Variants in DTX1 observed in about 807,000 individuals in gnomAD.
DTX1 encodes the protein deltex E3 ubiquitin ligase 1, also known as E3 ubiquitin-protein ligase DTX1.
Under a neutral mutation model 57.8 loss-of-function variants are expected in DTX1, and 26 were observed. The observed-to-expected ratio is 0.45, with a 90% CI of 0.33 to 0.62. The LOEUF (loss-of-function observed/expected upper bound fraction) is 0.62. DTX1 is among the 20% of genes least tolerant of loss of function. The pLI is 0.02. For missense variants in DTX1, 704 were observed against 895.3 expected, an observed-to-expected ratio of 0.79 and a Z score of 2.73; for synonymous variants, 398 against 394.1, an observed-to-expected ratio of 1.01 and a Z score of -0.12.
At chr12:113,063,364 G>A (rs1219128578) in intron 2 of DTX1, among the ~76,000 whole-genome samples, 3 of 152,226 alleles carry the variant, frequency 2.0e-5, no homozygotes, top group African/African-American at 4.8e-5. Flanking sequence ...AGCCGCCTCC[G>A]AGGGCCTCAC....
intron 2 of DTX1, among the ~76,000 whole-genome samples, chr12:113,072,696 CTTTTTTT>C (rs60642403): frequency 7.9e-4 from 56 of 71,112 alleles, no homozygotes; most frequent in African/African-American, 1.7e-3. Context: ...GAGAGATTTT[CTTTTTTT>C]TTTTTTTTTT....
In DTX1 at chr12:113,097,306, A is replaced by C; in HGVS notation, c.*367A>C. Reference sequence around the variant, plus strand: ...GACAGAAAGACCCCATGACCCCCCCATGTGGATCCCCATCTGTGTCTCAGT... The same window carrying C: ...GACAGAAAGACCCCATGACCCCCCCCTGTGGATCCCCATCTGTGTCTCAGT... On this transcript the variant is annotated 3_prime_UTR_variant, in exon 10 of 10. Coordinates refer to ENST00000548759, the MANE Select transcript of DTX1 (RefSeq NM_004416.3). The C allele has an allele frequency of 9.1e-5, 20 of 219,544 alleles. No individual in the cohort carries two copies. The highest frequency in any genetic ancestry group is 1.6e-3 in the Middle Eastern group (1 of 628). The allele number at this position is 219,544 out of a possible 1,614,324, so 13.6% of individuals were successfully genotyped here.
chr12:113,078,152 A>G, intron 3 of DTX1, 47 bp downstream of exon 3: 1 of 1,295,402 alleles, frequency 7.7e-7, no homozygotes, highest in South Asian at 1.8e-5. Flanking sequence ...GTCCGCAGGC[A>G]AGGACGAAGC....
rs780013460 is a variant in DTX1, at chr12:113,058,371, T to A, written c.179T>A (p.Val60Glu). 6.2e-7 allele frequency: 1 copy of A among 1,611,488 alleles called. No homozygotes were observed. Among genetic ancestry groups the A allele is most frequent in the Non-Finnish European group, 8.5e-7 (1 of 1,180,010 alleles). ...NVLKEDARGS[V>E]VLGQVDAQLV... ...CTGAAGGAGGACGCTCGCGGTTCCG[T>A]GGTCCTGGGGCAGGTGGACGCCCAG... The change falls in exon 2 of 10, where the codon GTG becomes GAG. Residue 60 changes from valine (V) to glutamate (E), a missense_variant. Val to Glu is a moderately radical substitution (Grantham distance 121). Transcript: ENST00000548759.
chr12:113,079,694 CTGTGTGTGTGTGTGTGTGTG>C (rs71086139), intron 3 of DTX1, among the ~76,000 whole-genome samples: 5 of 132,434 alleles, frequency 3.8e-5, no homozygotes, highest in African/African-American at 5.9e-5. Context: ...TTCCCGGCTA[CTGTGTGTGTGTGTGTGTGTG>C]TGTGTGTGTG....
chr12:113,092,881 C>A (rs1232284917), intron 3 of DTX1, among the ~76,000 whole-genome samples: 1 of 152,234 alleles, frequency 6.6e-6, no homozygotes, highest in Non-Finnish European at 1.5e-5. Context: ...AGAGCCAAAG[C>A]GCCCTCTCGA....
At chr12:113,089,170 G>A (rs915091599) in intron 3 of DTX1, among the ~76,000 whole-genome samples, 6 of 152,154 alleles carry the variant, frequency 3.9e-5, no homozygotes, top group Non-Finnish European at 8.8e-5. Flanking sequence ...GGGTGGGAGT[G>A]TGCCTGGCAT....
chr12:113,093,425 C>A lies in DTX1; in HGVS notation c.1004-114C>A, dbSNP rs2136067148. The A allele has an allele frequency of 7.3e-7, 1 of 1,365,744 alleles. No homozygotes were observed. The highest frequency in any genetic ancestry group is 9.7e-7 in the Non-Finnish European group (1 of 1,030,280). The allele number at this position is 1,365,744 out of a possible 1,614,324, so 84.6% of individuals were successfully genotyped here. A position where few individuals can be genotyped will look rare whatever the true frequency, so the allele number is the denominator to read the frequency against. ...CCTTCAAGGGGCTGAGTGGGTGGGG[C>A]CCAAGAGCGCAACCCTCCCACCCAC... On this transcript the variant is annotated intron_variant, in intron 4 of 9. Coordinates refer to ENST00000548759, the MANE Select transcript of DTX1 (RefSeq NM_004416.3). This position sits in a 1 kb window ranked among gnomAD's most constrained non-coding sequence, Gnocchi z 4.2.
In DTX1 at chr12:113,094,837, G is replaced by A. The variant is rs1475134876; in HGVS notation, c.1276G>A (p.Gly426Ser). The A allele has an allele frequency of 6.2e-6, 10 of 1,613,712 alleles. No homozygotes were observed. The highest frequency in any genetic ancestry group is 3.3e-4 in the Middle Eastern group (2 of 6,074). Residue 426 changes from glycine to serine, a missense_variant, in exon 7 of 10, where the codon GGC (glycine) becomes AGC (serine). Physicochemically the swap from Gly to Ser is moderately conservative, Grantham distance 56 (BLOSUM62 0). Transcript: ENST00000548759. ...ACTGGTCACAGCATCAGGCTACGAG[G>A]GCGTGCTTCGGCACAAGGGCGTGCG... ...ERLVTASGYE[G>S]VLRHKGVRPE...
At chr12:113,071,603 T>C (rs2044738569) in intron 2 of DTX1, among the ~76,000 whole-genome samples, 1 of 152,222 alleles carries the variant, frequency 6.6e-6, no homozygotes, top group Non-Finnish European at 1.5e-5. Flanking sequence ...AGCCCCTTCT[T>C]AGACCCATTG....
intron 2 of DTX1, among the ~76,000 whole-genome samples, chr12:113,064,262 C>G (rs1384435847): frequency 6.6e-6 from 1 of 152,232 alleles, no homozygotes; most frequent in Non-Finnish European, 1.5e-5. Context: ...GCAGCAGGTC[C>G]AGCTAATCCA....
intron 3 of DTX1, among the ~76,000 whole-genome samples, chr12:113,087,508 GA>G (rs2136064385): frequency 6.6e-6 from 1 of 152,180 alleles, no homozygotes; most frequent in East Asian, 1.9e-4. Context: ...GGAGGAGGGG[GA>G]GAAGGCAGCT....
chr12:113,084,930 C>G (rs1460613508), intron 3 of DTX1, among the ~76,000 whole-genome samples: 1 of 152,180 alleles, frequency 6.6e-6, no homozygotes, highest in Non-Finnish European at 1.5e-5. Flanking sequence ...GTGACCCTGC[C>G]TGAGCTCATC....
At position 113,067,869 on chromosome 12, in the gene DTX1, C is replaced by G. The variant is rs567454860; in HGVS notation, c.259+9418C>G. ...CAATGTAGTGAAACCCCATCTCCAC[C>G]AAATAAAAACAAAAAAAAAAATAGC... is the stretch of plus-strand genomic sequence containing the variant. On this transcript the variant is annotated intron_variant, in intron 2 of 9. Coordinates refer to ENST00000548759, the MANE Select transcript of DTX1 (RefSeq NM_004416.3). Among the ~76,000 whole-genome samples the G allele has an allele frequency of 4.6e-5, 4 of 86,874 alleles. No homozygotes were observed. In the South Asian group the frequency reaches 1.5e-3, roughly 33 times the overall value. 57.0% of individuals were successfully genotyped at this position (86,874 alleles called of 152,430 possible).
chr12:113,059,153 TTGA>T (rs2044650311), intron 2 of DTX1, among the ~76,000 whole-genome samples: 2 of 151,554 alleles, frequency 1.3e-5, no homozygotes, highest in South Asian at 4.2e-4. Context: ...AGTGATAGTA[TTGA>T]TGGTGGTGGG....
chr12:113,072,510 G>A (rs1157689909), intron 2 of DTX1, among the ~76,000 whole-genome samples: 2 of 152,110 alleles, frequency 1.3e-5, no homozygotes, highest in Non-Finnish European at 2.9e-5. Context: ...ATCAGCCATT[G>A]TAGCTGTATT....
chr12:113,068,409 A>T (rs2044718837), intron 2 of DTX1, among the ~76,000 whole-genome samples: 1 of 152,230 alleles, frequency 6.6e-6, no homozygotes, highest in Admixed American at 6.5e-5. Flanking sequence ...GGTTTGCCCT[A>T]AGGATGGCAG....
At position 113,089,695 on chromosome 12, in the gene DTX1, C is replaced by T. The variant is rs1321666553; in HGVS notation, c.942-3467C>T. Among the ~76,000 whole-genome samples, 7 of 152,300 alleles carry T rather than the reference C, an allele frequency of 4.6e-5. 1 individual carries two copies. The South Asian group carries it at 1.0e-3, about 23-fold the overall frequency. On this transcript the variant is annotated intron_variant, in intron 3 of 9. Coordinates refer to ENST00000548759, the MANE Select transcript of DTX1 (RefSeq NM_004416.3). ...GTTAGAGAGAAGCTGGAGACTACCT[C>T]GGGACTGTCCCCCAGGCTCACTGAT...
In DTX1 at chr12:113,096,913, G is replaced by A. The variant is rs200652619; in HGVS notation, c.1837G>A (p.Val613Ile). ...NVLAELTAQG[V>I]SEAAAKA ...GCTGGCTGAGCTCACAGCCCAGGGC[G>A]TATCCGAGGCTGCAGCCAAGGCTTG... is the stretch of plus-strand genomic sequence containing the variant. The change falls in exon 10 of 10, where the codon GTA (valine) becomes ATA (isoleucine). Residue 613 changes from valine to isoleucine, a missense_variant. Val to Ile is a conservative substitution (Grantham distance 29). Coordinates refer to ENST00000548759, the MANE Select transcript of DTX1 (RefSeq NM_004416.3). The A allele has an allele frequency of 2.4e-5, 38 of 1,611,962 alleles. No individual in the cohort carries two copies. Among genetic ancestry groups the A allele is most frequent in the Middle Eastern group, 1.7e-4 (1 of 6,052 alleles).
Sources: gnomAD v4.1 joint callset for allele counts (sites outside exome capture counted in the v4.1 genomes callset) on GRCh38, gnomAD v4.1.1 for gene constraint, Gnocchi (gnomAD v3.1) non-coding constraint, MANE v1.5 for transcripts, NCBI Gene and HGNC (gene_info 2026-07-23, HGNC 2026-07-21) for gene names.